Variants in TRNT1 observed in about 807,000 individuals in gnomAD.
TRNT1 encodes CCA tRNA nucleotidyltransferase 1, mitochondrial.
A neutral mutation model predicts 45.6 loss-of-function variants in TRNT1; 44 were observed. That is an observed-to-expected ratio of 0.97 (90% CI 0.76 to 1.24). The LOEUF (loss-of-function observed/expected upper bound fraction) is 1.24, where lower values mean the gene tolerates loss of function less well. Ranked by LOEUF, TRNT1 falls within the 50% of genes most tolerant of loss-of-function variation. The pLI is 0.00. For synonymous variants in TRNT1, 201 were observed against 171.4 expected, an observed-to-expected ratio of 1.17 and a Z score of -1.35; for missense variants, 633 against 504.4, an observed-to-expected ratio of 1.25 and a Z score of -2.44.
downstream of TRNT1, chr3:3,150,677 GT>G: frequency 3.4e-6 from 2 of 584,216 alleles, no homozygotes; most frequent in Non-Finnish European, 5.9e-6. Context: ...GTTCATGCTT[GT>G]TTCCTAAAGT....
At position 3,144,609 on chromosome 3, in the gene TRNT1, C is replaced by T; in HGVS notation, c.507C>T (p.Tyr169=). ...GTTTTGATGGCACTTTATTTGACTA[C>T]TTTAATGGTTATGAAGATTTAAAAA... ...FLGFDGTLFD[Y]FNGYEDLKNK... is the part of the protein sequence containing the mutation. Residue 169 remains tyrosine (Y), a synonymous_variant, in exon 5 of 8, where the codon TAC becomes TAT. Coordinates refer to ENST00000251607, the MANE Select transcript of TRNT1 (RefSeq NM_182916.3). 1.9e-6 allele frequency: 3 copies of T among 1,586,274 alleles called. No homozygotes were observed. The highest frequency in any genetic ancestry group is 2.6e-6 in the Non-Finnish European group (3 of 1,161,518).
chr3:3,148,439 A>G lies in TRNT1; in HGVS notation c.*285A>G, dbSNP rs187353748. 4.2e-4 allele frequency: 102 copies of G among 241,096 alleles called. No homozygotes were observed. Among genetic ancestry groups the G allele is most frequent in the African/African-American group, 1.9e-3 (82 of 44,280 alleles). The allele number at this position is 241,096 out of a possible 1,614,324, so 14.9% of individuals were successfully genotyped here. On this transcript the variant is annotated 3_prime_UTR_variant, in exon 8 of 8. Coordinates refer to ENST00000251607, the MANE Select transcript of TRNT1 (RefSeq NM_182916.3). ...CTTAACCTGTTCAGGCTTTTAAAAA[A>G]AACTGTTTTTGCATAGGGTAGTACT...
chr3:3,150,270 G>A (rs923153529), downstream of TRNT1: 2 of 152,200 alleles, frequency 1.3e-5, no homozygotes, highest in East Asian at 1.9e-4. Context: ...ACAACTATTC[G>A]TGGGCTCAAA....
At position 3,137,461 on chromosome 3, in the gene TRNT1, A is replaced by G. The variant is rs369684832; in HGVS notation, c.342+8A>G. On this transcript the variant is annotated splice_region_variant and intron_variant, in intron 3 of 7. Transcript: ENST00000251607. ...GGAACAATTACTGCCAGGGTGAGTC[A>G]AAAGTTTGACAGGTAATTACATTGC... 7 of 1,590,550 alleles carry G rather than the reference A, an allele frequency of 4.4e-6. No individual in the cohort carries two copies. The African/African-American group carries it at 5.4e-5, about 12-fold the overall frequency.
At chr3:3,143,309 G>C (rs1705776294) in intron 4 of TRNT1, among the ~76,000 whole-genome samples, 1 of 152,116 alleles carries the variant, frequency 6.6e-6, no homozygotes, top group South Asian at 2.1e-4. Context: ...GTATGAAGTG[G>C]TCACTCTACT....
At chr3:3,133,065 A>T (rs1705113866) in intron 2 of TRNT1, among the ~76,000 whole-genome samples, 1 of 152,206 alleles carries the variant, frequency 6.6e-6, no homozygotes, top group Non-Finnish European at 1.5e-5. Flanking sequence ...ATATAGTGAT[A>T]CTTGGAGTTT....
chr3:3,146,339 G>C, intron 5 of TRNT1, 91 bp from the exon 6 acceptor site: 1 of 949,556 alleles, frequency 1.1e-6, no homozygotes, highest in Non-Finnish European at 1.6e-6. Flanking sequence ...TTAAGCAGAT[G>C]TATGGGATAG....
chr3:3,144,863 T>A, intron 5 of TRNT1, 153 bp downstream of exon 5: 1 of 562,522 alleles, frequency 1.8e-6, no homozygotes, highest in Non-Finnish European at 2.6e-6. Flanking sequence ...GACTTATGAG[T>A]GAAAATTACT....
chr3:3,150,952 A>C (rs199720401), downstream of TRNT1: 3 of 1,614,024 alleles, frequency 1.9e-6, no homozygotes, highest in Non-Finnish European at 2.5e-6. Flanking sequence ...TTAAGCCCCA[A>C]AATTTTTGAG....
At chr3:3,151,347 A>C (rs1291526889), downstream of TRNT1, among the ~76,000 whole-genome samples, 1 of 151,940 alleles carries the variant, frequency 6.6e-6, no homozygotes, top group Non-Finnish European at 1.5e-5. Flanking sequence ...ACCACATTCT[A>C]ACTTGTACTG....
At chr3:3,134,557 A>T (rs1038807735) in intron 2 of TRNT1, among the ~76,000 whole-genome samples, 1 of 152,172 alleles carries the variant, frequency 6.6e-6, no homozygotes, top group South Asian at 2.1e-4. Flanking sequence ...AACAGTAGTT[A>T]TCTGTATAAA....
intron 2 of TRNT1, among the ~76,000 whole-genome samples, chr3:3,134,226 A>AT (rs1156884169): frequency 6.6e-6 from 1 of 152,188 alleles, no homozygotes; most frequent in Non-Finnish European, 1.5e-5. Flanking sequence ...AAGATTGAAG[A>AT]TATCAGTAAC....
At position 3,148,070 on chromosome 3, in the gene TRNT1, A is replaced by C; in HGVS notation, c.1221A>C (p.Leu407=). 3.1e-6 allele frequency: 5 copies of C among 1,613,956 alleles called. No individual in the cohort carries two copies. In the South Asian group the frequency reaches 4.4e-5, roughly 14 times the overall value. Residue 407 remains leucine (L), a synonymous_variant, in exon 8 of 8, where the codon CTA becomes CTC. Transcript: ENST00000251607. The part of the protein sequence containing the change: ...GISSGKEIGA[L]LQQLREQWKK... Reference sequence around the variant, plus strand: ...CTTCAGGAAAAGAAATTGGGGCTCTATTACAACAGTTGCGAGAACAGTGGA... The same window carrying C: ...CTTCAGGAAAAGAAATTGGGGCTCTCTTACAACAGTTGCGAGAACAGTGGA...
At chr3:3,129,850 A>C (rs1357006511) in intron 2 of TRNT1, 1 of 1,549,422 alleles carries the variant, frequency 6.5e-7, no homozygotes, top group Non-Finnish European at 8.7e-7. Flanking sequence ...CTAGAGAGCT[A>C]GGTTTCGAAC....
intron 4 of TRNT1, among the ~76,000 whole-genome samples, chr3:3,141,731 C>T (rs901816458): frequency 2.0e-5 from 3 of 152,044 alleles, no homozygotes; most frequent in Admixed American, 2.0e-4. Context: ...TGTTCATAAC[C>T]TAGTTTGTAG....
At chr3:3,129,215 A>G in intron 2 of TRNT1, 27 bp downstream of exon 2, 1 of 1,606,740 alleles carries the variant, frequency 6.2e-7, no homozygotes, top group South Asian at 1.1e-5. Flanking sequence ...CCTTTTCTTG[A>G]TTGGAAACCT....
chr3:3,147,462 A>T lies in TRNT1; in HGVS notation c.815A>T (p.Asn272Ile), dbSNP rs2126036638. The T allele has an allele frequency of 6.2e-7, 1 of 1,613,466 alleles. No individual in the cohort carries two copies. Among genetic ancestry groups the T allele is most frequent in the Non-Finnish European group, 8.5e-7 (1 of 1,179,638 alleles). The change falls in exon 7 of 8, where the codon AAT (asparagine) becomes ATT (isoleucine). Residue 272 changes from asparagine to isoleucine, a missense_variant. By Grantham distance (149) the Asn-to-Ile change is moderately radical. Coordinates refer to ENST00000251607, the MANE Select transcript of TRNT1 (RefSeq NM_182916.3). ...TTTGTCCCTACAGGTTTACCTGCTA[A>T]TGCAAGTTTAGAAGAATTTGACAAA... ...DVAPYIGLPANASLEEFDKVS... is the reference protein window; with the variant it reads ...DVAPYIGLPAIASLEEFDKVS...
intron 2 of TRNT1, chr3:3,136,648 CTTTTTTTTTCTT>C (rs1575048727): frequency 5.0e-6 from 2 of 397,428 alleles, no homozygotes; most frequent in Non-Finnish European, 9.8e-6. Context: ...GATTTACTTT[CTTTTTTTTTCTT>C]TTTTTTTTTT....
chr3:3,147,371 A>G, intron 6 of TRNT1, 79 bp from the exon 7 acceptor site: 1 of 1,520,138 alleles, frequency 6.6e-7, no homozygotes, highest in Non-Finnish European at 8.9e-7. Flanking sequence ...TCTGGATACT[A>G]AAATGGTGGC....
Sources: allele counts gnomAD v4.1 joint callset (sites outside exome capture counted in the v4.1 genomes callset), GRCh38; gene constraint gnomAD v4.1.1; transcripts MANE v1.5; gene names NCBI Gene and HGNC (gene_info 2026-07-23, HGNC 2026-07-21).